The following TANC1 variants were observed in gnomAD, a reference collection of about 807,000 sequenced individuals.
TANC1 encodes protein TANC1.
In TANC1, 77 loss-of-function variants were observed where a neutral mutation model predicts 149.7. The ratio of observed to expected loss-of-function variants is 0.51; its 90% CI spans 0.43 to 0.62. The LOEUF (loss-of-function observed/expected upper bound fraction) is 0.62, where lower values mean the gene tolerates loss of function less well. Ranked by LOEUF, TANC1 falls within the 20% of genes least tolerant of loss-of-function variation. The pLI, the probability that TANC1 is intolerant of heterozygous loss-of-function variation, is 0.00. For synonymous variants in TANC1, 854 were observed against 925.0 expected (o/e 0.92, Z 1.39); for missense variants, 1,985 against 2,321.8 (o/e 0.85, Z 2.98).
Position 159,026,426 on chromosome 2 carries a change from C to T in TANC1, c.-16+25237C>T, listed in dbSNP as rs950700083. On this transcript the variant is annotated intron_variant, in intron 2 of 26. Coordinates refer to ENST00000263635, the MANE Select transcript of TANC1 (RefSeq NM_033394.3). The stretch of plus-strand genomic sequence containing the variant: ...TTTTTTTGAGGCTTTCCTCGATGAC[C>T]TCAGCTTCTTTGGCTTCCTGTTCCT... 2.0e-5 allele frequency among the ~76,000 whole-genome samples: 3 copies of T among 152,188 alleles called. 1 individual carries two copies. The highest frequency in any genetic ancestry group is 4.4e-5 in the Non-Finnish European group (3 of 68,020).
chr2:159,210,958 G>A (rs1277823278), intron 19 of TANC1, among the ~76,000 whole-genome samples: 6 of 151,620 alleles, frequency 4.0e-5, no homozygotes, highest in South Asian at 2.1e-4. Flanking sequence ...TGCAACCTCC[G>A]CCTCCCAGGT....
At chr2:159,219,506 G>C in intron 21 of TANC1, 145 bp downstream of exon 21, 2 of 1,309,480 alleles carry the variant, frequency 1.5e-6, no homozygotes, top group Non-Finnish European at 2.1e-6. Context: ...AGGCAACACA[G>C]CCACATGCCT....
At chr2:159,090,833 G>A (rs1218601083) in intron 3 of TANC1, among the ~76,000 whole-genome samples, 1 of 152,178 alleles carries the variant, frequency 6.6e-6, no homozygotes, top group East Asian at 1.9e-4. Flanking sequence ...GGAGAGGAGA[G>A]GAAACTAGGG....
intron 4 of TANC1, among the ~76,000 whole-genome samples, chr2:159,115,186 G>GTA (rs1276619814): frequency 6.6e-6 from 1 of 151,452 alleles, no homozygotes; most frequent in African/African-American, 2.4e-5. Context: ...GTGTGTGTGT[G>GTA]TGTGTGTGTG....
intron 16 of TANC1, among the ~76,000 whole-genome samples, chr2:159,189,260 T>C (rs868695491): frequency 1.3e-5 from 2 of 152,374 alleles, no homozygotes; most frequent in African/African-American, 4.8e-5. Flanking sequence ...TTGGTGCTTG[T>C]TAACAGGAGC....
At position 159,228,851 on chromosome 2, in the gene TANC1, C is replaced by G; in HGVS notation, c.4106C>G (p.Ser1369Cys). The change falls in exon 26 of 27, where the codon TCC becomes TGC. Residue 1369 changes from serine to cysteine, a missense_variant. Transcript: ENST00000263635. ...AAGGCTCTCGAATTGAAGCCCAAGT[C>G]CTATGAAGCCTTTTATGCCAGAGCA... is the stretch of plus-strand genomic sequence containing the variant. Reference protein sequence around the residue: ...ASKALELKPKSYEAFYARARA... With the variant: ...ASKALELKPKCYEAFYARARA... 1.2e-6 allele frequency: 2 copies of G among 1,614,124 alleles called. No individual in the cohort carries two copies. Among genetic ancestry groups the G allele is most frequent in the Admixed American group, 1.7e-5 (1 of 60,016 alleles).
At chr2:159,185,737 G>A in intron 14 of TANC1, 54 bp from the exon 15 acceptor site, 1 of 1,248,938 alleles carries the variant, frequency 8.0e-7, no homozygotes, top group Admixed American at 1.8e-5. Context: ...GGGTGGGTCT[G>A]CGGTGTGGTG....
chr2:158,989,490 G>C (rs2035380514), intron 1 of TANC1, among the ~76,000 whole-genome samples: 1 of 151,462 alleles, frequency 6.6e-6, no homozygotes, highest in Non-Finnish European at 1.5e-5. Flanking sequence ...CATGCCTATA[G>C]TCCCAGCCAC....
chr2:159,062,048 G>A (rs996552119), intron 2 of TANC1, among the ~76,000 whole-genome samples: 1 of 152,142 alleles, frequency 6.6e-6, no homozygotes, highest in Admixed American at 6.5e-5. Flanking sequence ...GACCAGCCTG[G>A]CCAACATGGT....
chr2:159,130,924 C>T (rs1025566938), intron 4 of TANC1, among the ~76,000 whole-genome samples: 2 of 152,084 alleles, frequency 1.3e-5, no homozygotes, highest in East Asian at 3.9e-4. Context: ...GTCCTTGGCT[C>T]CTTATTTGTA....
In TANC1 at chr2:159,179,151, T is replaced by C. The variant is rs749016398; in HGVS notation, c.2498T>C (p.Leu833Pro). 3 of 1,610,484 alleles carry C rather than the reference T, an allele frequency of 1.9e-6. No homozygotes were observed. The highest frequency in any genetic ancestry group is 8.5e-7 in the Non-Finnish European group (1 of 1,178,072). The change falls in exon 14 of 27, where the codon CTG (leucine) becomes CCG (proline). Residue 833 changes from leucine (L) to proline (P), a missense_variant. Around this residue, in one of 3 missense-constraint regions of TANC1, gnomAD observed 508 missense variants for 714.2 expected, o/e 0.71. Transcript: ENST00000263635. ...GCAGACGGGGAAAACACGGCCTTCC[T>C]GTGTGAGCCCAGGTACGGCAGGCGC... is the stretch of plus-strand genomic sequence containing the variant. ...WRADGENTAF[L>P]CEPRNGHALL...
At chr2:159,160,385 C>T (rs971013110) in intron 7 of TANC1, among the ~76,000 whole-genome samples, 4 of 151,938 alleles carry the variant, frequency 2.6e-5, no homozygotes, top group African/African-American at 4.8e-5. Context: ...TTGATGTGTA[C>T]GTGTACCCAC....
intron 19 of TANC1, among the ~76,000 whole-genome samples, chr2:159,217,275 A>T (rs1025670910): frequency 6.6e-6 from 1 of 152,150 alleles, no homozygotes; most frequent in Non-Finnish European, 1.5e-5. Flanking sequence ...GTGTTCAAGG[A>T]AGTGCAAGCA....
chr2:159,229,943 G>C lies in TANC1; in HGVS notation c.4517G>C (p.Ser1506Thr). 1 of 1,614,104 alleles carries C rather than the reference G, an allele frequency of 6.2e-7. No individual in the cohort carries two copies. Among genetic ancestry groups the C allele is most frequent in the Non-Finnish European group, 8.5e-7 (1 of 1,180,050 alleles). The part of the protein sequence containing the change: ...QSKGRPVSPQ[S>T]RAGIGKSLRE... ...AAAGGAAGGCCGGTATCGCCACAGA[G>C]CAGGGCAGGAATCGGCAAGTCCCTG... The change falls in exon 27 of 27, where the codon AGC becomes ACC. Residue 1506 changes from serine (S) to threonine (T), a missense_variant. Ser to Thr is a moderately conservative substitution (Grantham distance 58, BLOSUM62 1). This residue lies in a region of TANC1 where 920 missense variants were observed against 994.7 expected (regional missense o/e 0.92). Transcript: ENST00000263635.
intron 7 of TANC1, among the ~76,000 whole-genome samples, chr2:159,152,938 G>A (rs1295369246): frequency 6.6e-6 from 1 of 152,182 alleles, no homozygotes; most frequent in Non-Finnish European, 1.5e-5. Context: ...ACTGCAGGAG[G>A]TTCTTAATAC....
chr2:159,201,492 C>A (rs2150758058), intron 19 of TANC1, among the ~76,000 whole-genome samples: 2 of 152,344 alleles, frequency 1.3e-5, no homozygotes, highest in Admixed American at 1.3e-4. Flanking sequence ...ATTCCCCAGC[C>A]TGTGTGGCTG....
intron 22 of TANC1, among the ~76,000 whole-genome samples, chr2:159,223,681 C>CA (rs1302669592): frequency 6.6e-6 from 1 of 152,204 alleles, no homozygotes; most frequent in Non-Finnish European, 1.5e-5. Flanking sequence ...CACATCAAAT[C>CA]AGTCTTTGTA....
intron 3 of TANC1, among the ~76,000 whole-genome samples, chr2:159,067,228 A>T (rs1227468572): frequency 1.3e-5 from 2 of 152,216 alleles, no homozygotes; most frequent in Non-Finnish European, 1.5e-5. Context: ...GTTTTTGGTT[A>T]TATAGAACCT....
Position 159,137,093 on chromosome 2 carries a change from T to A in TANC1, c.364+795T>A, listed in dbSNP as rs548457158. 3.2e-4 allele frequency among the ~76,000 whole-genome samples: 48 copies of A among 152,296 alleles called. No homozygotes were observed. In the Middle Eastern group the frequency reaches 0.017, roughly 54 times the overall value. Reference sequence around the variant, plus strand: ...AAAGGGGCTTGCTTTATCCTCAGTGTGGACAAAAGTTTATGTAGCAATGCT... The same window carrying A: ...AAAGGGGCTTGCTTTATCCTCAGTGAGGACAAAAGTTTATGTAGCAATGCT... On this transcript the variant is annotated intron_variant, in intron 5 of 26. Transcript: ENST00000263635.
Sources: allele counts gnomAD v4.1 joint callset (sites outside exome capture counted in the v4.1 genomes callset), GRCh38; gene constraint gnomAD v4.1.1; regional missense constraint gnomAD v4.1.1; transcripts MANE v1.5; gene names NCBI Gene and HGNC (gene_info 2026-07-23, HGNC 2026-07-21).